Variants in C12orf42 observed in about 807,000 individuals in gnomAD.
The protein encoded by C12orf42 is chromosome 12 open reading frame 42.
C12orf42 carries 25 observed loss-of-function variants against 21.6 expected under a neutral mutation model. The observed-to-expected ratio is 1.16, with a 90% CI of 0.84 to 1.62. The LOEUF is 1.62. Ranked by LOEUF, C12orf42 falls within the 40% of genes most tolerant of loss-of-function variation. C12orf42 has a pLI of 0.00. For synonymous variants in C12orf42, 174 were observed against 175.0 expected (o/e 0.99, Z 0.05); for missense variants, 483 against 459.3 (o/e 1.05, Z -0.47).
At chr12:103,081,445 CTT>C in the C12orf42 span, 1 of 152,210 alleles carries the variant, frequency 6.6e-6, no homozygotes, top group African/African-American at 2.4e-5. Flanking sequence ...TTATCTCTCT[CTT>C]GTGTTGCACC....
intron 5 of C12orf42, among the ~76,000 whole-genome samples, chr12:103,272,258 A>T (rs1426731116): frequency 6.6e-6 from 1 of 152,180 alleles, no homozygotes; most frequent in Non-Finnish European, 1.5e-5. Flanking sequence ...TAGCATCATA[A>T]TTATGTTGGC....
chr12:103,238,497 T>C (rs2033564202), intron 10 of C12orf42, among the ~76,000 whole-genome samples: 1 of 152,020 alleles, frequency 6.6e-6, no homozygotes, highest in Non-Finnish European at 1.5e-5. Context: ...CACACTAGAG[T>C]TTGGGCACCA....
rs78446888 is a variant in C12orf42 at position 103,251,797 on chromosome 12, C to T, written c.*1366+11529G>A. On this transcript the variant is annotated intron_variant and NMD_transcript_variant, in intron 10 of 10. Transcript: ENST00000547347. Reference sequence around the variant, plus strand: ...TGCTACAAGTGATTGTTTATTGCTACGCACTGTATTCACTGCACTAGATCA... The same window carrying T: ...TGCTACAAGTGATTGTTTATTGCTATGCACTGTATTCACTGCACTAGATCA... Among the ~76,000 whole-genome samples, 1,382 of 152,230 alleles carry T rather than the reference C, an allele frequency of 9.1e-3. 25 individuals are homozygous for T. Among genetic ancestry groups the T allele is most frequent in the African/African-American group, 0.03 (1,260 of 41,540 alleles).
At chr12:103,474,930 C>T (rs1186045382) in intron 2 of C12orf42, among the ~76,000 whole-genome samples, 3 of 152,046 alleles carry the variant, frequency 2.0e-5, no homozygotes, top group Admixed American at 6.5e-5. Flanking sequence ...TTTTAGAGAC[C>T]CTCAAGATAA....
the C12orf42 span, among the ~76,000 whole-genome samples, chr12:103,162,203 A>G: frequency 6.6e-6 from 1 of 152,166 alleles, no homozygotes; most frequent in African/African-American, 2.4e-5. Flanking sequence ...CATAAGCAGC[A>G]CTCGGTAAAG....
At chr12:103,095,425 C>A in the C12orf42 span, among the ~76,000 whole-genome samples, 1 of 152,138 alleles carries the variant, frequency 6.6e-6, no homozygotes, top group Non-Finnish European at 1.5e-5. Flanking sequence ...TACTCTTCTG[C>A]CTTAGCTCCT....
At chr12:103,174,196 T>C in the C12orf42 span, among the ~76,000 whole-genome samples, 1 of 152,216 alleles carries the variant, frequency 6.6e-6, no homozygotes, top group African/African-American at 2.4e-5. Flanking sequence ...TGATTCCCAT[T>C]TCATAGATGA....
intron 2 of C12orf42, among the ~76,000 whole-genome samples, chr12:103,449,318 A>G (rs1465385965): frequency 6.6e-6 from 1 of 151,952 alleles, no homozygotes; most frequent in East Asian, 1.9e-4. Flanking sequence ...GAATGATACA[A>G]TGGACTTTGG....
At chr12:103,426,742 A>G (rs1566302775) in intron 2 of C12orf42, among the ~76,000 whole-genome samples, 1 of 152,272 alleles carries the variant, frequency 6.6e-6, no homozygotes, top group Non-Finnish European at 1.5e-5. Flanking sequence ...GAAGTCCATC[A>G]GACTAACAGC....
the C12orf42 span, among the ~76,000 whole-genome samples, chr12:103,224,454 G>T: frequency 2.6e-5 from 4 of 152,160 alleles, no homozygotes; most frequent in Non-Finnish European, 5.9e-5. Flanking sequence ...GCGTGATCAG[G>T]GTGAGGAACA....
chr12:103,167,145 C>T, the C12orf42 span, among the ~76,000 whole-genome samples: 5 of 152,266 alleles, frequency 3.3e-5, no homozygotes, highest in East Asian at 9.7e-4. Flanking sequence ...CAATCATGTT[C>T]TTCACATCTA....
chr12:103,224,526 G>A, the C12orf42 span, among the ~76,000 whole-genome samples: 2 of 152,208 alleles, frequency 1.3e-5, no homozygotes, highest in African/African-American at 4.8e-5. Context: ...ATACAGTCAT[G>A]GGGGTCAGGT....
intron 4 of C12orf42, among the ~76,000 whole-genome samples, chr12:103,319,418 T>C (rs2039858727): frequency 6.7e-6 from 1 of 149,470 alleles, no homozygotes. Flanking sequence ...CTAGTCTTTG[T>C]TGAAGGGATC....
intron 6 of C12orf42, among the ~76,000 whole-genome samples, chr12:103,269,248 G>A (rs2035320886): frequency 6.6e-6 from 1 of 152,070 alleles, no homozygotes; most frequent in African/African-American, 2.4e-5. Flanking sequence ...TTAGAGTTTA[G>A]AGGGAGCTGT....
intron 10 of C12orf42, among the ~76,000 whole-genome samples, chr12:103,240,868 C>T (rs1256536513): frequency 1.3e-5 from 2 of 152,042 alleles, no homozygotes; most frequent in Non-Finnish European, 2.9e-5. Flanking sequence ...GTATCCTAAG[C>T]ACTTAATATA....
the C12orf42 span, among the ~76,000 whole-genome samples, chr12:103,068,932 CACATATATATATATATATATATATAT>C: frequency 5.6e-4 from 27 of 48,212 alleles, no homozygotes; most frequent in South Asian, 1.5e-3. Flanking sequence ...TCTCTCTCTC[CACATATATATATATATATATATATAT>C]ATATATATAT....
At chr12:103,355,439 G>C (rs530967454) in intron 4 of C12orf42, among the ~76,000 whole-genome samples, 1 of 152,208 alleles carries the variant, frequency 6.6e-6, no homozygotes, top group African/African-American at 2.4e-5. Context: ...CATTTTGGCT[G>C]GTCATTGACC....
rs541583137 is a variant in C12orf42 at position 103,369,422 on chromosome 12, AGATACATTTTCATACAGGGT to A, written c.148-444_148-425del. 2.9e-3 allele frequency among the ~76,000 whole-genome samples: 443 copies of A among 152,158 alleles called. 3 individuals carry two copies. Among genetic ancestry groups the A allele is most frequent in the African/African-American group, 9.7e-3 (401 of 41,524 alleles). On this transcript the variant is annotated intron_variant, in intron 3 of 5. Coordinates refer to ENST00000548883, the MANE Select transcript of C12orf42 (RefSeq NM_198521.5). ...GCTAAGATGAAAAACATAAAATAAG[AGATACATTTTCATACAGGGT>A]GATACATTTTCATACAGGGTGACAT... is the stretch of plus-strand genomic sequence containing the variant.
the C12orf42 span, among the ~76,000 whole-genome samples, chr12:103,119,559 C>G: frequency 6.6e-6 from 1 of 152,092 alleles, no homozygotes; most frequent in Admixed American, 6.5e-5. Context: ...TCTGGCAGAT[C>G]AAGATAACTT....
Sources: allele counts gnomAD v4.1 joint callset (sites outside exome capture counted in the v4.1 genomes callset), GRCh38; gene constraint gnomAD v4.1.1; transcripts MANE v1.5; gene names NCBI Gene and HGNC (gene_info 2026-07-23, HGNC 2026-07-21).